Variants in FRMD4B observed in about 807,000 individuals in gnomAD.
The protein encoded by FRMD4B is FERM domain-containing protein 4B.
In FRMD4B, 74 loss-of-function variants were observed where a neutral mutation model predicts 141.5. That is an observed-to-expected ratio of 0.52 (90% CI 0.43 to 0.63). FRMD4B has a LOEUF of 0.63. FRMD4B is among the 30% of genes least tolerant of loss of function. The probability of loss-of-function intolerance (pLI) is 0.00; values close to 1 mark genes in which losing one functional copy is unlikely to be tolerated. For missense variants in FRMD4B, 1,366 were observed against 1,253.4 expected (o/e 1.09, Z -1.36); for synonymous variants, 506 against 467.9 (o/e 1.08, Z -1.05).
At chr3:69,206,167 T>C (rs1195352690) in intron 11 of FRMD4B, among the ~76,000 whole-genome samples, 3 of 152,030 alleles carry the variant, frequency 2.0e-5, no homozygotes, top group Admixed American at 1.3e-4. Flanking sequence ...GCCTGACCAA[T>C]GGTAAAACCC....
chr3:69,441,896 C>A (rs1416188148), intron 1 of FRMD4B, among the ~76,000 whole-genome samples: 1 of 152,124 alleles, frequency 6.6e-6, no homozygotes, highest in East Asian at 1.9e-4. Context: ...GGATTCCAAA[C>A]ACATTTATGT....
At chr3:69,442,048 C>A (rs1007491827) in intron 1 of FRMD4B, among the ~76,000 whole-genome samples, 1 of 151,830 alleles carries the variant, frequency 6.6e-6, no homozygotes, top group African/African-American at 2.4e-5. Context: ...CTCCAGCTAT[C>A]TAATCTATCT....
intron 1 of FRMD4B, among the ~76,000 whole-genome samples, chr3:69,314,631 T>C (rs1701744803): frequency 6.6e-6 from 1 of 152,040 alleles, no homozygotes; most frequent in Non-Finnish European, 1.5e-5. Flanking sequence ...GGCCAGGAGT[T>C]TGAGACCAGC....
chr3:69,248,262 A>ACAAAT (rs2093438477), intron 7 of FRMD4B, among the ~76,000 whole-genome samples: 2 of 140,290 alleles, frequency 1.4e-5, no homozygotes, highest in African/African-American at 5.5e-5. Flanking sequence ...CACACACACA[A>ACAAAT]ATATATATAT....
Position 69,193,715 on chromosome 3 carries a change from T to C in FRMD4B, c.1647A>G (p.Glu549=), listed in dbSNP as rs1056703835. The C allele has an allele frequency of 6.2e-6, 10 of 1,613,786 alleles. No individual in the cohort carries two copies. Among genetic ancestry groups the C allele is most frequent in the Middle Eastern group, 3.3e-4 (2 of 6,084 alleles). The change falls in exon 17 of 23, where the codon GAA becomes GAG. Residue 549 remains glutamate, a synonymous_variant. Transcript: ENST00000398540. ...TDAMKKLQEI[E]NAINEYRIRC... is the part of the protein sequence containing the mutation. ...TAATTCGGTATTCGTTTATTGCATT[T>C]TCAATCTCCTGAAGCTTTTTCATCG...
At chr3:69,285,766 C>A (rs1221558982) in intron 5 of FRMD4B, among the ~76,000 whole-genome samples, 1 of 152,064 alleles carries the variant, frequency 6.6e-6, no homozygotes, top group East Asian at 1.9e-4. Context: ...ATTGCTTGAA[C>A]CTGGCAGGCA....
intron 5 of FRMD4B, among the ~76,000 whole-genome samples, chr3:69,269,718 C>T (rs1467571442): frequency 6.6e-6 from 1 of 152,200 alleles, no homozygotes; most frequent in Non-Finnish European, 1.5e-5. Context: ...GATCTCGGCT[C>T]AAGCGATTCT....
intron 1 of FRMD4B, among the ~76,000 whole-genome samples, chr3:69,458,702 G>A (rs938616777): frequency 1.3e-5 from 2 of 152,022 alleles, no homozygotes; most frequent in Non-Finnish European, 2.9e-5. Context: ...ACCAGAGTTG[G>A]CCATTATGAT....
chr3:69,254,784 A>G (rs1171819985), intron 5 of FRMD4B, among the ~76,000 whole-genome samples: 1 of 152,162 alleles, frequency 6.6e-6, no homozygotes, highest in East Asian at 1.9e-4. Context: ...CACAGAACAC[A>G]GAGGTGGAAA....
At chr3:69,270,393 G>T (rs1438414137) in intron 5 of FRMD4B, among the ~76,000 whole-genome samples, 1 of 152,168 alleles carries the variant, frequency 6.6e-6, no homozygotes, top group East Asian at 1.9e-4. Context: ...TACTGTGTGT[G>T]AGAAAAATAG....
intron 1 of FRMD4B, among the ~76,000 whole-genome samples, chr3:69,494,097 C>A (rs1706347073): frequency 6.6e-6 from 1 of 152,176 alleles, no homozygotes; most frequent in South Asian, 2.1e-4. Context: ...CCAGGCTGGT[C>A]TCGAACTCTC....
intron 2 of FRMD4B, among the ~76,000 whole-genome samples, chr3:69,404,711 A>C (rs1433114425): frequency 6.6e-6 from 1 of 152,124 alleles, no homozygotes; most frequent in East Asian, 1.9e-4. Context: ...GTCAAGACAA[A>C]CAGAAAGCAA....
chr3:69,214,432 C>T (rs1248611431), intron 11 of FRMD4B, among the ~76,000 whole-genome samples: 1 of 152,114 alleles, frequency 6.6e-6, no homozygotes, highest in Non-Finnish European at 1.5e-5. Flanking sequence ...GCAAAACCAA[C>T]CAGGGCAGCA....
At chr3:69,341,208 G>A (rs1451740446) in intron 1 of FRMD4B, among the ~76,000 whole-genome samples, 1 of 152,146 alleles carries the variant, frequency 6.6e-6, no homozygotes, top group African/African-American at 2.4e-5. Context: ...GCATCTCAAG[G>A]TGGGCACTTG....
At chr3:69,251,457 AC>A (rs1281173637) in intron 5 of FRMD4B, among the ~76,000 whole-genome samples, 4 of 152,234 alleles carry the variant, frequency 2.6e-5, no homozygotes, top group Admixed American at 2.6e-4. Context: ...TTCTCAAAAA[AC>A]AAACAATAAT....
chr3:69,319,338 C>T (rs1559802340), intron 1 of FRMD4B, among the ~76,000 whole-genome samples: 3 of 152,126 alleles, frequency 2.0e-5, no homozygotes, highest in African/African-American at 7.2e-5. Context: ...TTCTGAGGCC[C>T]ACAATTATTG....
intron 1 of FRMD4B, among the ~76,000 whole-genome samples, chr3:69,493,934 G>C (rs1706344410): frequency 6.6e-6 from 1 of 152,132 alleles, no homozygotes; most frequent in African/African-American, 2.4e-5. Flanking sequence ...TGCAGTAGTG[G>C]GGTGCAATCA....
chr3:69,508,940 G>T (rs908580382), intron 1 of FRMD4B, among the ~76,000 whole-genome samples: 1 of 152,208 alleles, frequency 6.6e-6, no homozygotes, highest in African/African-American at 2.4e-5. Context: ...ATGTTGTAGA[G>T]CTAGAATTCG....
intron 22 of FRMD4B, among the ~76,000 whole-genome samples, chr3:69,174,454 A>T (rs2092622204): frequency 6.6e-6 from 1 of 152,216 alleles, no homozygotes; most frequent in African/African-American, 2.4e-5. Context: ...AAATATGCCA[A>T]AATGTTAACA....
Sources: gnomAD v4.1 joint callset for allele counts (sites outside exome capture counted in the v4.1 genomes callset) on GRCh38, gnomAD v4.1.1 for gene constraint, MANE v1.5 for transcripts, NCBI Gene and HGNC (gene_info 2026-07-23, HGNC 2026-07-21) for gene names.